Variants in EPB41L4A observed in about 807,000 individuals in gnomAD.
EPB41L4A encodes the protein band 4.1-like protein 4A.
In EPB41L4A, 100 loss-of-function variants were observed where a neutral mutation model predicts 108.6. That is an observed-to-expected ratio of 0.92 (90% CI 0.78 to 1.09). The LOEUF (loss-of-function observed/expected upper bound fraction) is 1.09, where lower values mean the gene tolerates loss of function less well. Ranked by LOEUF, EPB41L4A falls within the 50% of genes least tolerant of loss-of-function variation. EPB41L4A has a pLI of 0.00. For synonymous variants in EPB41L4A, 319 were observed against 289.0 expected (o/e 1.10, Z -1.05); for missense variants, 1,030 against 842.7 (o/e 1.22, Z -2.75).
intron 12 of EPB41L4A, among the ~76,000 whole-genome samples, chr5:112,224,027 T>C (rs1355287780): frequency 6.6e-6 from 1 of 152,170 alleles, no homozygotes; most frequent in East Asian, 1.9e-4. Flanking sequence ...TCTCGGCTCA[T>C]TGCAGCCTCC....
intron 2 of EPB41L4A, among the ~76,000 whole-genome samples, chr5:112,303,739 T>C (rs1232077879): frequency 6.6e-6 from 1 of 152,022 alleles, no homozygotes; most frequent in Non-Finnish European, 1.5e-5. Flanking sequence ...AGTGATGTGA[T>C]CGGGAAAAAA....
intron 1 of EPB41L4A, among the ~76,000 whole-genome samples, chr5:112,345,756 T>C (rs1021227096): frequency 7.6e-6 from 1 of 132,320 alleles, no homozygotes; most frequent in African/African-American, 2.8e-5. Flanking sequence ...ACAGGATGCA[T>C]ATATATATAT....
chr5:112,291,187 C>A (rs748078867), intron 2 of EPB41L4A, among the ~76,000 whole-genome samples: 1 of 152,202 alleles, frequency 6.6e-6, no homozygotes, highest in Admixed American at 6.5e-5. Flanking sequence ...ACAGAGCCTA[C>A]AAAAGCCTGC....
chr5:112,394,300 G>A (rs996924909), intron 1 of EPB41L4A, among the ~76,000 whole-genome samples: 1 of 152,172 alleles, frequency 6.6e-6, no homozygotes, highest in East Asian at 1.9e-4. Flanking sequence ...AAGTCAAATT[G>A]TGCCAGTTTG....
chr5:112,398,410 A>G (rs1433398851), intron 1 of EPB41L4A, among the ~76,000 whole-genome samples: 1 of 151,994 alleles, frequency 6.6e-6, no homozygotes, highest in East Asian at 1.9e-4. Context: ...TTTGTCTTTG[A>G]GACAGTCTCA....
At chr5:112,330,990 G>A (rs1188770118) in intron 1 of EPB41L4A, among the ~76,000 whole-genome samples, 6 of 152,044 alleles carry the variant, frequency 3.9e-5, no homozygotes, top group East Asian at 1.9e-4. Context: ...GCCATCTTCC[G>A]TAACAGAAGT....
chr5:112,282,224 C>T (rs908198739), intron 2 of EPB41L4A, among the ~76,000 whole-genome samples: 7 of 152,146 alleles, frequency 4.6e-5, no homozygotes, highest in African/African-American at 1.7e-4. Context: ...TCAATCCAAA[C>T]GTTAAGCTGT....
chr5:112,398,136 G>A (rs1022669030), intron 1 of EPB41L4A, among the ~76,000 whole-genome samples: 30 of 152,156 alleles, frequency 2.0e-4, no homozygotes, highest in Non-Finnish European at 7.3e-5. Flanking sequence ...CACAGCTTTC[G>A]AGATGGAAGG....
intron 2 of EPB41L4A, among the ~76,000 whole-genome samples, chr5:112,306,581 T>C (rs568836010): frequency 2.3e-4 from 35 of 152,262 alleles, no homozygotes; most frequent in Non-Finnish European, 4.7e-4. Context: ...GACATCTCTA[T>C]TTCAACAGCA....
intron 17 of EPB41L4A, among the ~76,000 whole-genome samples, chr5:112,187,977 T>G (rs890297240): frequency 2.6e-5 from 4 of 152,216 alleles, no homozygotes; most frequent in Non-Finnish European, 5.9e-5. Context: ...ATATATAAAA[T>G]TATGGCAAAG....
At position 112,269,189 on chromosome 5, in the gene EPB41L4A, GA is replaced by G. The variant is rs200399841; in HGVS notation, c.336-2860del. On this transcript the variant is annotated intron_variant, in intron 4 of 22. Coordinates refer to ENST00000261486, the MANE Select transcript of EPB41L4A (RefSeq NM_022140.5). The stretch of plus-strand genomic sequence containing the variant: ...TTGCTGTCTCTGAGAAATTCATAAA[GA>G]AAAAAAAATATCTACTCAAACTTCC... Among the ~76,000 whole-genome samples the G allele has an allele frequency of 2.9e-4, 44 of 149,596 alleles. 1 individual carries two copies. The East Asian group carries it at 7.8e-3, about 27-fold the overall frequency.
chr5:112,259,825 C>T (rs1561518621), intron 8 of EPB41L4A, 66 bp downstream of exon 8: 3 of 1,144,790 alleles, frequency 2.6e-6, no homozygotes, highest in Non-Finnish European at 4.0e-6. Flanking sequence ...CCAACTCTTT[C>T]ACTGACACAG....
chr5:112,239,570 AT>A, intron 11 of EPB41L4A, 89 bp downstream of exon 11: 1 of 767,506 alleles, frequency 1.3e-6, no homozygotes, highest in African/African-American at 1.8e-5. Context: ...AAAGAAAAAA[AT>A]AAATAAATAA....
chr5:112,363,980 G>A (rs1355760048), intron 1 of EPB41L4A, among the ~76,000 whole-genome samples: 8 of 152,132 alleles, frequency 5.3e-5, no homozygotes, highest in African/African-American at 1.4e-4. Flanking sequence ...CTCTAGAAAA[G>A]GTAATAATGA....
intron 18 of EPB41L4A, among the ~76,000 whole-genome samples, chr5:112,176,906 C>T (rs937277421): frequency 2.0e-5 from 3 of 151,820 alleles, no homozygotes; most frequent in Admixed American, 6.6e-5. Flanking sequence ...AGGCACCCAC[C>T]ACCACACCCA....
chr5:112,229,481 G>C (rs768190520), intron 12 of EPB41L4A, among the ~76,000 whole-genome samples: 2 of 151,958 alleles, frequency 1.3e-5, no homozygotes, highest in Non-Finnish European at 2.9e-5. Flanking sequence ...TTCTTTAGTG[G>C]TGACTTCTGA....
At chr5:112,339,476 A>AGATATATAGATATATATC (rs1561584857) in intron 1 of EPB41L4A, among the ~76,000 whole-genome samples, 199 of 11,432 alleles carry the variant, frequency 0.017, no homozygotes, top group African/African-American at 0.039. Flanking sequence ...ATATATATCT[A>AGATATATAGATATATATC]TATATATATA....
intron 9 of EPB41L4A, among the ~76,000 whole-genome samples, chr5:112,242,374 A>G (rs577457050): frequency 1.3e-5 from 2 of 152,360 alleles, no homozygotes; most frequent in East Asian, 3.9e-4. Flanking sequence ...TTGTTCATTC[A>G]TAAGAAGCAA....
chr5:112,181,556 A>C (rs566718146), intron 18 of EPB41L4A, among the ~76,000 whole-genome samples: 18 of 152,330 alleles, frequency 1.2e-4, no homozygotes, highest in Admixed American at 7.2e-4. Context: ...ATACTTGTAG[A>C]GAATGTCTAT....
Sources: allele counts gnomAD v4.1 joint callset (sites outside exome capture counted in the v4.1 genomes callset), GRCh38; gene constraint gnomAD v4.1.1; transcripts MANE v1.5; gene names NCBI Gene and HGNC (gene_info 2026-07-23, HGNC 2026-07-21).